The following GRM8 variants were observed in gnomAD, a reference collection of about 807,000 sequenced individuals.
The protein encoded by GRM8 is metabotropic glutamate receptor 8.
A neutral mutation model predicts 87.2 loss-of-function variants in GRM8; 47 were observed. The ratio of observed to expected loss-of-function variants is 0.54; its 90% CI spans 0.43 to 0.69. The LOEUF (loss-of-function observed/expected upper bound fraction) is 0.69. Among genes scored for constraint, GRM8 ranks in the 30% least tolerant of loss-of-function variants. The pLI is 0.00. For missense variants in GRM8, 1,019 were observed against 1,139.2 expected (o/e 0.89, Z 1.52); for synonymous variants, 396 against 404.5 (o/e 0.98, Z 0.25).
intron 6 of GRM8, among the ~76,000 whole-genome samples, chr7:126,859,822 T>C (rs182514571): frequency 1.3e-5 from 2 of 152,306 alleles, no homozygotes; most frequent in East Asian, 1.9e-4. Context: ...GGGTCATTGA[T>C]TTTGTTTATA....
intron 7 of GRM8, among the ~76,000 whole-genome samples, chr7:126,761,012 C>T (rs1037802458): frequency 2.6e-5 from 4 of 152,068 alleles, no homozygotes; most frequent in Non-Finnish European, 4.4e-5. Flanking sequence ...GCCTAGGCAA[C>T]GTGGTGAAAC....
At chr7:127,165,541 T>C (rs968313745) in intron 2 of GRM8, among the ~76,000 whole-genome samples, 2 of 152,068 alleles carry the variant, frequency 1.3e-5, no homozygotes, top group African/African-American at 4.8e-5. Flanking sequence ...TTAAATGTTA[T>C]CTTCCTCATG....
At chr7:126,740,948 C>T (rs1438964918) in intron 7 of GRM8, among the ~76,000 whole-genome samples, 1 of 152,026 alleles carries the variant, frequency 6.6e-6, no homozygotes, top group African/African-American at 2.4e-5. Flanking sequence ...CTATCTAAAA[C>T]TGATATTACT....
intron 3 of GRM8, among the ~76,000 whole-genome samples, chr7:126,929,253 A>C (rs1805479841): frequency 6.6e-6 from 1 of 152,176 alleles, no homozygotes; most frequent in Admixed American, 6.5e-5. Context: ...GCCCCATTTG[A>C]AAGGAAATAC....
intron 2 of GRM8, among the ~76,000 whole-genome samples, chr7:127,143,708 A>T (rs755408881): frequency 2.6e-5 from 4 of 152,186 alleles, no homozygotes; most frequent in Non-Finnish European, 4.4e-5. Flanking sequence ...TATCCACATT[A>T]AGGGCAAAGG....
chr7:126,823,173 C>T (rs755873420), intron 6 of GRM8, among the ~76,000 whole-genome samples: 6 of 152,142 alleles, frequency 3.9e-5, no homozygotes, highest in Non-Finnish European at 8.8e-5. Context: ...TTGTGATAGT[C>T]ACATCATATA....
intron 2 of GRM8, among the ~76,000 whole-genome samples, chr7:127,237,104 G>A (rs1798025480): frequency 2.0e-5 from 3 of 152,194 alleles, no homozygotes; most frequent in Admixed American, 2.0e-4. Flanking sequence ...GTTTTAAGAA[G>A]GGGAAAGAGA....
At chr7:127,196,341 AAACTT>A in intron 2 of GRM8, among the ~76,000 whole-genome samples, 1 of 152,206 alleles carries the variant, frequency 6.6e-6, no homozygotes, top group Non-Finnish European at 1.5e-5. Flanking sequence ...CAACATGGTG[AAACTT>A]CATCTCTACT....
chr7:126,988,096 A>C (rs1054635105), intron 3 of GRM8, among the ~76,000 whole-genome samples: 1 of 152,194 alleles, frequency 6.6e-6, no homozygotes, highest in Non-Finnish European at 1.5e-5. Flanking sequence ...ATGACAACAC[A>C]GATGCACTGA....
intron 3 of GRM8, among the ~76,000 whole-genome samples, chr7:126,962,887 C>T (rs535201722): frequency 3.7e-4 from 57 of 152,280 alleles, no homozygotes; most frequent in African/African-American, 1.3e-3. Context: ...GTACTCAAGA[C>T]GGTTATGTTC....
At chr7:126,473,658 G>T (rs1300567438) in intron 9 of GRM8, among the ~76,000 whole-genome samples, 1 of 152,134 alleles carries the variant, frequency 6.6e-6, no homozygotes, top group Non-Finnish European at 1.5e-5. Context: ...TATGAGATTT[G>T]TGAGGGGCCA....
At chr7:127,193,972 A>G (rs1324155994) in intron 2 of GRM8, among the ~76,000 whole-genome samples, 1 of 152,190 alleles carries the variant, frequency 6.6e-6, no homozygotes, top group Admixed American at 6.5e-5. Context: ...AAGACACATG[A>G]GGCCCTATCT....
At chr7:126,524,359 C>T (rs1206740208) in intron 9 of GRM8, among the ~76,000 whole-genome samples, 1 of 152,110 alleles carries the variant, frequency 6.6e-6, no homozygotes, top group East Asian at 1.9e-4. Flanking sequence ...GTTTAAAACA[C>T]GGTTCCTTCA....
intron 3 of GRM8, among the ~76,000 whole-genome samples, chr7:126,945,241 G>T (rs1409972073): frequency 6.6e-6 from 1 of 151,976 alleles, no homozygotes; most frequent in African/African-American, 2.4e-5. Flanking sequence ...ATAAATACAT[G>T]GTGGTATATT....
At chr7:127,196,355 C>G (rs1333667358) in intron 2 of GRM8, among the ~76,000 whole-genome samples, 1 of 151,924 alleles carries the variant, frequency 6.6e-6, no homozygotes, top group South Asian at 2.1e-4. Context: ...TTCATCTCTA[C>G]TAAAAATATA....
chr7:126,532,925 T>G, intron 9 of GRM8, 27 bp downstream of exon 9: 1 of 1,376,482 alleles, frequency 7.3e-7, no homozygotes, highest in Non-Finnish European at 1.0e-6. Context: ...CAGGAAAAAG[T>G]TGTCAAGTGT....
chr7:127,124,930 A>ACATCCATT (rs1827279500), intron 2 of GRM8, among the ~76,000 whole-genome samples: 1 of 152,168 alleles, frequency 6.6e-6, no homozygotes. Context: ...AAAAAATTTA[A>ACATCCATT]CATCCATTCA....
At chr7:126,930,587 T>G (rs1805660962) in intron 3 of GRM8, among the ~76,000 whole-genome samples, 2 of 152,186 alleles carry the variant, frequency 1.3e-5, no homozygotes, top group South Asian at 4.1e-4. Flanking sequence ...TCAACCAAGT[T>G]TTCATTTCCT....
intron 7 of GRM8, among the ~76,000 whole-genome samples, chr7:126,658,764 A>G (rs556061008): frequency 6.6e-6 from 1 of 152,028 alleles, no homozygotes; most frequent in Non-Finnish European, 1.5e-5. Flanking sequence ...CCAATATTAG[A>G]TTGGAAAAAA....
Sources: allele counts gnomAD v4.1 joint callset (sites outside exome capture counted in the v4.1 genomes callset), GRCh38; gene constraint gnomAD v4.1.1; transcripts MANE v1.5; gene names NCBI Gene and HGNC (gene_info 2026-07-23, HGNC 2026-07-21).